Variants in CCDC90B observed in about 807,000 individuals in gnomAD.
CCDC90B encodes the protein coiled-coil domain-containing protein 90B, mitochondrial.
In CCDC90B, 24 loss-of-function variants were observed where a neutral mutation model predicts 37.0. That is an observed-to-expected ratio of 0.65 (90% CI 0.47 to 0.91). The LOEUF (loss-of-function observed/expected upper bound fraction) is 0.91. Among genes scored for constraint, CCDC90B ranks in the 40% least tolerant of loss-of-function variants. The pLI is 0.00. For missense variants in CCDC90B, 319 were observed against 299.0 expected (o/e 1.07, Z -0.49); for synonymous variants, 113 against 101.1 (o/e 1.12, Z -0.71).
chr11:83,286,085 C>G lies in CCDC90B; in HGVS notation c.-113G>C. On this transcript the variant is annotated 5_prime_UTR_variant, in exon 1 of 9. Transcript: ENST00000529689. ...AATGCTGGGAATTGTAGTTTTCGCT[C>G]TGTCACAAGCTCACCTCCCAGCGCA... The G allele has an allele frequency of 6.5e-7, 1 of 1,537,838 alleles. No homozygotes were observed. Among genetic ancestry groups the G allele is most frequent in the Non-Finnish European group, 8.7e-7 (1 of 1,146,948 alleles).
At chr11:83,274,603 G>C (rs1422920598) in intron 4 of CCDC90B, 36 bp downstream of exon 4, 2 of 1,263,856 alleles carry the variant, frequency 1.6e-6, no homozygotes, top group South Asian at 2.6e-5. Context: ...TATGAGATCA[G>C]TTATTTTATA....
In CCDC90B at chr11:83,285,776, G is replaced by A. The variant is rs914163225; in HGVS notation, c.100+97C>T. 27 of 1,491,886 alleles carry A rather than the reference G, an allele frequency of 1.8e-5. No homozygotes were observed. In the East Asian group the frequency reaches 6.7e-4, roughly 37 times the overall value. 92.4% of individuals were successfully genotyped at this position (1,491,886 alleles called of 1,614,324 possible). A position where few individuals can be genotyped will look rare whatever the true frequency, so the allele number is the denominator to read the frequency against. On this transcript the variant is annotated intron_variant, in intron 1 of 8. Coordinates refer to ENST00000529689, the MANE Select transcript of CCDC90B (RefSeq NM_021825.5). The stretch of plus-strand genomic sequence containing the variant: ...GGCGTGAATCCGGGAGGAGGGCGTG[G>A]CACCTTCTCTTCCCGTTCGCTCGAG...
chr11:83,264,803 T>A, intron 8 of CCDC90B, among the ~76,000 whole-genome samples: 1 of 151,828 alleles, frequency 6.6e-6, no homozygotes, highest in Non-Finnish European at 1.5e-5. Context: ...TTCATGTCCT[T>A]TGTAGGGACA....
chr11:83,266,047 T>A, intron 7 of CCDC90B, 68 bp from the exon 8 acceptor site: 3 of 791,432 alleles, frequency 3.8e-6, no homozygotes, highest in Non-Finnish European at 6.5e-6. Context: ...AGCATTTACA[T>A]TATAAACCCT....
chr11:83,280,960 CT>C (rs547002245), intron 1 of CCDC90B, among the ~76,000 whole-genome samples: 1 of 152,310 alleles, frequency 6.6e-6, no homozygotes, highest in South Asian at 2.1e-4. Flanking sequence ...TTTCTCATTT[CT>C]GAAATAACCC....
intron 7 of CCDC90B, among the ~76,000 whole-genome samples, chr11:83,269,943 A>T (rs1322505503): frequency 6.6e-6 from 1 of 152,200 alleles, no homozygotes; most frequent in Non-Finnish European, 1.5e-5. Context: ...AGCACATCAA[A>T]AAGCTTATCC....
rs186691302 is a variant in CCDC90B at position 83,268,017 on chromosome 11, G to A, written c.595-2038C>T. On this transcript the variant is annotated intron_variant, in intron 7 of 8. Transcript: ENST00000529689. ...TCTAGCCAAACTAAGCCTCATAAGTGAAGGAGAAATAAAATCCTTTACAGA... is the reference window on the plus strand; with the variant it reads ...TCTAGCCAAACTAAGCCTCATAAGTAAAGGAGAAATAAAATCCTTTACAGA... Among the ~76,000 whole-genome samples the A allele has an allele frequency of 2.0e-5, 3 of 152,252 alleles. No homozygotes were observed. The East Asian group carries it at 5.8e-4, about 29-fold the overall frequency.
At position 83,259,090 on chromosome 11, in the gene CCDC90B, A is replaced by G. The variant is rs1863826545; in HGVS notation, c.*2821T>C. The G allele has an allele frequency of 6.6e-6, 1 of 152,216 alleles. No homozygotes were observed. Among genetic ancestry groups the G allele is most frequent in the Non-Finnish European group, 1.5e-5 (1 of 68,040 alleles). 9.4% of individuals were successfully genotyped at this position (152,216 alleles called of 1,614,324 possible). A position where few individuals can be genotyped will look rare whatever the true frequency, so the allele number is the denominator to read the frequency against. On this transcript the variant is annotated 3_prime_UTR_variant, in exon 9 of 9. Transcript: ENST00000529689. The stretch of plus-strand genomic sequence containing the variant: ...TATTAAAAAGTTTGGATTAAGGTCA[A>G]CTGAGATTTATGAGTATCATTTATT...
At chr11:83,276,632 G>A (rs985932371) in intron 3 of CCDC90B, among the ~76,000 whole-genome samples, 9 of 152,134 alleles carry the variant, frequency 5.9e-5, no homozygotes, top group African/African-American at 1.9e-4. Context: ...TTACAGGCGT[G>A]AGCCACCACA....
Position 83,286,056 on chromosome 11 carries a change from C to G in CCDC90B, c.-84G>C. 1.9e-6 allele frequency: 3 copies of G among 1,545,150 alleles called. No homozygotes were observed. The highest frequency in any genetic ancestry group is 8.7e-7 in the Non-Finnish European group (1 of 1,147,840). On this transcript the variant is annotated 5_prime_UTR_variant, in exon 1 of 9. Transcript: ENST00000529689. Reference sequence around the variant, plus strand: ...TTCGGGCAAGGTAGTTCTGGCACCACAGGAATGCTGGGAATTGTAGTTTTC... The same window carrying G: ...TTCGGGCAAGGTAGTTCTGGCACCAGAGGAATGCTGGGAATTGTAGTTTTC...
At chr11:83,274,118 G>A in intron 4 of CCDC90B, 126 bp from the exon 5 acceptor site, 2 of 542,912 alleles carry the variant, frequency 3.7e-6, no homozygotes, top group South Asian at 7.2e-5. Context: ...AATTGATAAG[G>A]AAAAAAATCT....
chr11:83,285,749 A>G (rs962819968), intron 1 of CCDC90B, 124 bp downstream of exon 1: 5 of 1,467,186 alleles, frequency 3.4e-6, no homozygotes, highest in Non-Finnish European at 4.5e-6. Flanking sequence ...CGCCCAGCAC[A>G]AGGCGTGAAT....
In CCDC90B at chr11:83,274,417, A is replaced by T. The variant is rs1864895789; in HGVS notation, c.426+222T>A. The T allele has an allele frequency of 1.3e-5, 4 of 307,800 alleles. No individual in the cohort carries two copies. The Admixed American group carries it at 1.9e-4, about 14-fold the overall frequency. The allele number at this position is 307,800 out of a possible 1,614,324, so 19.1% of individuals were successfully genotyped here. A position where few individuals can be genotyped will look rare whatever the true frequency, so the allele number is the denominator to read the frequency against. ...AAGATTTTGTTTTATGTGGTTTTAT[A>T]TGTATAAAATGTAACTCTTATTCTC... On this transcript the variant is annotated intron_variant, in intron 4 of 8. Coordinates refer to ENST00000529689, the MANE Select transcript of CCDC90B (RefSeq NM_021825.5).
At position 83,260,996 on chromosome 11, in the gene CCDC90B, T is replaced by A. The variant is rs1327557152; in HGVS notation, c.*915A>T. On this transcript the variant is annotated 3_prime_UTR_variant, in exon 9 of 9. Coordinates refer to ENST00000529689, the MANE Select transcript of CCDC90B (RefSeq NM_021825.5). ...AAGCAGGGATAAACTGGTTTTTGAG[T>A]ATCAAATATTTAAAAAATACATGTA... 1 of 152,182 alleles carries A rather than the reference T, an allele frequency of 6.6e-6. No individual in the cohort carries two copies. The highest frequency in any genetic ancestry group is 1.9e-4 in the East Asian group (1 of 5,196). The allele number at this position is 152,182 out of a possible 1,614,324, so 9.4% of individuals were successfully genotyped here. A position where few individuals can be genotyped will look rare whatever the true frequency, so the allele number is the denominator to read the frequency against.
intron 7 of CCDC90B, among the ~76,000 whole-genome samples, chr11:83,268,918 C>T (rs1366043969): frequency 1.3e-5 from 2 of 152,226 alleles, no homozygotes; most frequent in Non-Finnish European, 2.9e-5. Context: ...AACTGTCTCT[C>T]AGACCACAGT....
Position 83,274,763 on chromosome 11 carries a change from C to A in CCDC90B, c.325-23G>T, listed in dbSNP as rs115690042. The A allele has an allele frequency of 2.4e-3, 3,463 of 1,421,408 alleles. 64 individuals carry two copies. In the African/African-American group the frequency reaches 0.044, roughly 18 times the overall value. The allele number at this position is 1,421,408 out of a possible 1,614,324, so 88.0% of individuals were successfully genotyped here. ...TTCCTAGAAAACAAAATAAAAATAACCTAGTGATCTATAGAAAGCCATCTT... is the reference window on the plus strand; with the variant it reads ...TTCCTAGAAAACAAAATAAAAATAAACTAGTGATCTATAGAAAGCCATCTT... On this transcript the variant is annotated intron_variant, in intron 3 of 8. Transcript: ENST00000529689.
chr11:83,272,294 C>T (rs758092031), intron 7 of CCDC90B, among the ~76,000 whole-genome samples: 8 of 152,046 alleles, frequency 5.3e-5, no homozygotes, highest in Non-Finnish European at 1.0e-4. Context: ...GAATTACATT[C>T]CTTCTGCTTT....
chr11:83,276,042 T>C (rs1347885255), intron 3 of CCDC90B, among the ~76,000 whole-genome samples: 1 of 152,192 alleles, frequency 6.6e-6, no homozygotes, highest in Non-Finnish European at 1.5e-5. Flanking sequence ...GGACTTCTTA[T>C]AATACATAAA....
intron 7 of CCDC90B, among the ~76,000 whole-genome samples, chr11:83,268,695 T>C (rs1300367944): frequency 6.6e-6 from 1 of 152,092 alleles, no homozygotes; most frequent in Non-Finnish European, 1.5e-5. Context: ...ATTAGATAGA[T>C]CAACGAGACA....
Sources: allele counts gnomAD v4.1 joint callset (sites outside exome capture counted in the v4.1 genomes callset), GRCh38; gene constraint gnomAD v4.1.1; transcripts MANE v1.5; gene names NCBI Gene and HGNC (gene_info 2026-07-23, HGNC 2026-07-21).